NCKAP5: variants seen among roughly 807,000 people sequenced by gnomAD.
NCKAP5 encodes nck-associated protein 5.
NCKAP5 carries 92 observed loss-of-function variants against 167.0 expected under a neutral mutation model. The observed-to-expected ratio is 0.55, with a 90% CI of 0.47 to 0.66. NCKAP5 has a LOEUF of 0.66. Ranked by LOEUF, NCKAP5 falls within the 30% of genes least tolerant of loss-of-function variation. The pLI is 0.00. For synonymous variants in NCKAP5, 891 were observed against 877.4 expected, an observed-to-expected ratio of 1.02 and a Z score of -0.27; for missense variants, 2,378 against 2,315.0, an observed-to-expected ratio of 1.03 and a Z score of -0.56.
chr2:133,602,934 T>A, the NCKAP5 span, among the ~76,000 whole-genome samples: 185 of 152,292 alleles, frequency 1.2e-3, 2 homozygotes, highest in African/African-American at 4.1e-3. Flanking sequence ...ACTGAAAATT[T>A]GTAGTCACAG....
intron 6 of NCKAP5, among the ~76,000 whole-genome samples, chr2:133,113,020 C>T (rs2081965240): frequency 6.6e-6 from 1 of 152,196 alleles, no homozygotes; most frequent in African/African-American, 2.4e-5. Flanking sequence ...AATTCTGCTT[C>T]CAGCTGCTCC....
At chr2:133,253,702 T>G (rs1364633767) in intron 4 of NCKAP5, among the ~76,000 whole-genome samples, 1 of 152,202 alleles carries the variant, frequency 6.6e-6, no homozygotes, top group African/African-American at 2.4e-5. Flanking sequence ...CTCAGTTTCC[T>G]TATATGTAAA....
intron 5 of NCKAP5, among the ~76,000 whole-genome samples, chr2:133,203,115 C>G (rs2085777220): frequency 6.6e-6 from 1 of 152,104 alleles, no homozygotes; most frequent in Admixed American, 6.5e-5. Context: ...GCACTATTCA[C>G]AATAGCAAAG....
At chr2:133,047,826 A>G (rs2079453434) in intron 6 of NCKAP5, among the ~76,000 whole-genome samples, 1 of 152,176 alleles carries the variant, frequency 6.6e-6, no homozygotes, top group Non-Finnish European at 1.5e-5. Context: ...GTAATCACAC[A>G]CATTTGGAGC....
intron 2 of NCKAP5, among the ~76,000 whole-genome samples, chr2:133,545,555 A>G (rs1686585915): frequency 6.6e-6 from 1 of 152,120 alleles, no homozygotes; most frequent in African/African-American, 2.4e-5. Context: ...GGGCTCTGCC[A>G]TCCCACAAGG....
At chr2:133,234,924 T>TG (rs1422818634) in intron 4 of NCKAP5, among the ~76,000 whole-genome samples, 1 of 144,510 alleles carries the variant, frequency 6.9e-6, no homozygotes, top group Non-Finnish European at 1.5e-5. Flanking sequence ...CTTATGACCC[T>TG]GGTTGTTAAT....
intron 6 of NCKAP5, among the ~76,000 whole-genome samples, chr2:133,061,368 T>C (rs553572609): frequency 6.6e-6 from 1 of 152,318 alleles, no homozygotes; most frequent in African/African-American, 2.4e-5. Flanking sequence ...CATTTGTAAA[T>C]ATTATCTCAT....
At chr2:133,385,967 A>G (rs1361312075) in intron 3 of NCKAP5, among the ~76,000 whole-genome samples, 2 of 140,940 alleles carry the variant, frequency 1.4e-5, no homozygotes, top group Non-Finnish European at 3.2e-5. Flanking sequence ...TTAGCGGTCA[A>G]TCAATTTTGT....
intron 11 of NCKAP5, among the ~76,000 whole-genome samples, chr2:132,859,327 A>G (rs1444517482): frequency 6.6e-6 from 1 of 152,058 alleles, no homozygotes; most frequent in Non-Finnish European, 1.5e-5. Context: ...TATTTCTCTG[A>G]GGAGTCCTAA....
At chr2:132,745,471 C>T (rs1679559500) in intron 16 of NCKAP5, among the ~76,000 whole-genome samples, 2 of 150,936 alleles carry the variant, frequency 1.3e-5, no homozygotes, top group Non-Finnish European at 3.0e-5. Context: ...AGGGCATCTA[C>T]AGAAAACCTA....
chr2:133,518,500 G>A lies in NCKAP5; in HGVS notation c.-61-913C>T, dbSNP rs180933880. On this transcript the variant is annotated intron_variant, in intron 2 of 19. Coordinates refer to ENST00000409261, the MANE Select transcript of NCKAP5 (RefSeq NM_207363.3). Reference sequence around the variant, plus strand: ...CTCCCGAGTAGCTGGGACTACAGGCGCCTGCCACCATGCCAGGCTGATTTT... The same window carrying A: ...CTCCCGAGTAGCTGGGACTACAGGCACCTGCCACCATGCCAGGCTGATTTT... Among the ~76,000 whole-genome samples the A allele has an allele frequency of 5.5e-5, 8 of 146,024 alleles. No individual in the cohort carries two copies. The East Asian group carries it at 5.8e-4, about 11-fold the overall frequency.
intron 4 of NCKAP5, among the ~76,000 whole-genome samples, chr2:133,245,349 A>G (rs1275384372): frequency 1.3e-5 from 2 of 152,222 alleles, no homozygotes; most frequent in East Asian, 1.9e-4. Flanking sequence ...CGAATACAAT[A>G]TTGAATGAAA....
chr2:132,996,165 A>T (rs1441345255), intron 6 of NCKAP5, among the ~76,000 whole-genome samples: 1 of 152,208 alleles, frequency 6.6e-6, no homozygotes, highest in African/African-American at 2.4e-5. Flanking sequence ...TATGTGGCAC[A>T]TGAATGTGCT....
chr2:132,771,517 G>C (rs190795679), intron 16 of NCKAP5, among the ~76,000 whole-genome samples: 1 of 152,284 alleles, frequency 6.6e-6, no homozygotes, highest in African/African-American at 2.4e-5. Context: ...AATAAATTTA[G>C]TGTAGCCTAA....
intron 3 of NCKAP5, among the ~76,000 whole-genome samples, chr2:133,304,504 A>C (rs888612266): frequency 6.6e-6 from 1 of 152,260 alleles, no homozygotes; most frequent in Non-Finnish European, 1.5e-5. Context: ...GTTAAAAACA[A>C]AGCAGAAAGC....
chr2:133,287,911 A>T (rs962505073), intron 4 of NCKAP5, among the ~76,000 whole-genome samples: 1 of 152,148 alleles, frequency 6.6e-6, no homozygotes, highest in Admixed American at 6.5e-5. Context: ...TGTGGTTACA[A>T]ATAGAAATAT....
intron 10 of NCKAP5, 79 bp from the exon 11 acceptor site, chr2:132,860,690 C>A: frequency 4.8e-6 from 7 of 1,444,912 alleles, no homozygotes; most frequent in South Asian, 1.4e-5. Flanking sequence ...TTTTATATAT[C>A]TCAGATCATT....
intron 4 of NCKAP5, among the ~76,000 whole-genome samples, chr2:133,237,605 T>A (rs2087483457): frequency 6.6e-6 from 1 of 152,180 alleles, no homozygotes; most frequent in African/African-American, 2.4e-5. Context: ...AAGCTCACAG[T>A]CTAGTAGGTG....
intron 19 of NCKAP5, among the ~76,000 whole-genome samples, chr2:132,721,565 C>G (rs1394659004): frequency 6.6e-6 from 1 of 152,172 alleles, no homozygotes; most frequent in Non-Finnish European, 1.5e-5. Flanking sequence ...AAATCTCCAC[C>G]AGACACTCAA....
Sources: allele counts gnomAD v4.1 joint callset (sites outside exome capture counted in the v4.1 genomes callset), GRCh38; gene constraint gnomAD v4.1.1; transcripts MANE v1.5; gene names NCBI Gene and HGNC (gene_info 2026-07-23, HGNC 2026-07-21).